Variants in PDGFRL observed in about 807,000 individuals in gnomAD.
PDGFRL encodes platelet derived growth factor receptor like.
PDGFRL carries 46 observed loss-of-function variants against 37.2 expected under a neutral mutation model. The observed-to-expected ratio is 1.24, with a 90% CI of 0.98 to 1.58. The LOEUF (loss-of-function observed/expected upper bound fraction) is 1.58. Ranked by LOEUF, PDGFRL falls within the 40% of genes most tolerant of loss-of-function variation. The probability of loss-of-function intolerance (pLI) is 0.00; values close to 1 mark genes in which losing one functional copy is unlikely to be tolerated. For missense variants in PDGFRL, 692 were observed against 467.6 expected, an observed-to-expected ratio of 1.48 and a Z score of -4.43; for synonymous variants, 251 against 184.3, an observed-to-expected ratio of 1.36 and a Z score of -2.93.
intron 2 of PDGFRL, among the ~76,000 whole-genome samples, chr8:17,615,893 G>A (rs1804513151): frequency 6.6e-6 from 1 of 152,240 alleles, no homozygotes; most frequent in Non-Finnish European, 1.5e-5. Context: ...CTGGGCAAGA[G>A]AGCGAGACCC....
chr8:17,629,511 A>C (rs887851670), intron 4 of PDGFRL, among the ~76,000 whole-genome samples: 31 of 152,034 alleles, frequency 2.0e-4, no homozygotes, highest in African/African-American at 7.5e-4. Context: ...ACCCATTGCC[A>C]CCTGCCAACC....
chr8:17,641,415 A>T (rs1805090067), intron 5 of PDGFRL, among the ~76,000 whole-genome samples: 1 of 152,168 alleles, frequency 6.6e-6, no homozygotes, highest in Admixed American at 6.5e-5. Context: ...TCTGTGAGAC[A>T]AAGTCAGAAA....
intron 1 of PDGFRL, among the ~76,000 whole-genome samples, chr8:17,584,559 A>T (rs1803775122): frequency 1.3e-5 from 2 of 152,080 alleles, no homozygotes; most frequent in South Asian, 2.1e-4. Context: ...GTTGTCAGTG[A>T]CACAGGAGGA....
At chr8:17,597,379 G>A (rs1386502148) in intron 2 of PDGFRL, among the ~76,000 whole-genome samples, 8 of 152,312 alleles carry the variant, frequency 5.3e-5, no homozygotes, top group Non-Finnish European at 1.0e-4. Context: ...ACATTTATCC[G>A]AATGTAATCT....
chr8:17,609,546 G>C (rs1355747454), intron 2 of PDGFRL, among the ~76,000 whole-genome samples: 1 of 141,122 alleles, frequency 7.1e-6, no homozygotes, highest in African/African-American at 2.6e-5. Flanking sequence ...GCTAAAGCAG[G>C]AGAATCGCTT....
At chr8:17,616,612 G>A (rs1433462013) in intron 2 of PDGFRL, among the ~76,000 whole-genome samples, 2 of 151,952 alleles carry the variant, frequency 1.3e-5, no homozygotes, top group African/African-American at 4.8e-5. Flanking sequence ...TCCTTCCCTG[G>A]GACTGCATGC....
At chr8:17,596,199 G>A (rs765049882) in intron 2 of PDGFRL, 5 of 442,666 alleles carry the variant, frequency 1.1e-5, no homozygotes, top group African/African-American at 8.1e-5. Context: ...TTCAATCCAA[G>A]GCCGTCCACT....
At chr8:17,579,756 G>A (rs1803667751) in intron 1 of PDGFRL, among the ~76,000 whole-genome samples, 1 of 151,898 alleles carries the variant, frequency 6.6e-6, no homozygotes, top group Non-Finnish European at 1.5e-5. Context: ...ACCCAATGAA[G>A]CTGGCTGCTC....
At chr8:17,642,424 G>C (rs1379024218) in intron 5 of PDGFRL, among the ~76,000 whole-genome samples, 189 bp from the exon 6 acceptor site, 1 of 152,190 alleles carries the variant, frequency 6.6e-6, no homozygotes, top group Non-Finnish European at 1.5e-5. Context: ...AGGGCTGTTT[G>C]GAAAAAATGC....
At chr8:17,616,975 T>C (rs1316082809) in intron 2 of PDGFRL, among the ~76,000 whole-genome samples, 1 of 152,176 alleles carries the variant, frequency 6.6e-6, no homozygotes, top group Non-Finnish European at 1.5e-5. Context: ...ATCTGAGGAC[T>C]GTCAGCTCCC....
chr8:17,624,622 C>T (rs995382159), intron 3 of PDGFRL, among the ~76,000 whole-genome samples: 18 of 152,178 alleles, frequency 1.2e-4, no homozygotes, highest in Admixed American at 5.9e-4. Context: ...TAAGTACTTT[C>T]CTGGCTGGGT....
chr8:17,612,738 A>T (rs1013624965), intron 2 of PDGFRL, among the ~76,000 whole-genome samples: 3 of 152,304 alleles, frequency 2.0e-5, no homozygotes, highest in African/African-American at 7.2e-5. Flanking sequence ...AACTATAAAT[A>T]AGCAAAAAGG....
At chr8:17,634,692 A>G (rs896086815) in intron 5 of PDGFRL, among the ~76,000 whole-genome samples, 2 of 152,306 alleles carry the variant, frequency 1.3e-5, no homozygotes, top group South Asian at 2.1e-4. Context: ...GCTGGAGGCC[A>G]TTATCCTTAG....
chr8:17,627,005 C>A (rs1057382375), intron 3 of PDGFRL, among the ~76,000 whole-genome samples: 1 of 152,190 alleles, frequency 6.6e-6, no homozygotes, highest in Non-Finnish European at 1.5e-5. Flanking sequence ...CAAGCCGACG[C>A]CATTCCCCTC....
chr8:17,592,978 A>C (rs1252334072), intron 2 of PDGFRL, among the ~76,000 whole-genome samples: 1 of 152,026 alleles, frequency 6.6e-6, no homozygotes, highest in African/African-American at 2.4e-5. Flanking sequence ...CTTGAGAGTA[A>C]ATAAAAATAG....
intron 2 of PDGFRL, among the ~76,000 whole-genome samples, chr8:17,600,830 A>T (rs1447076330): frequency 6.6e-6 from 1 of 151,544 alleles, no homozygotes; most frequent in East Asian, 1.9e-4. Context: ...AAACCTCTAA[A>T]AATTAGCCAG....
At chr8:17,591,840 T>C (rs1303920234) in intron 2 of PDGFRL, among the ~76,000 whole-genome samples, 1 of 152,078 alleles carries the variant, frequency 6.6e-6, no homozygotes, top group Admixed American at 6.6e-5. Flanking sequence ...TGCTTGAACC[T>C]GGGAGGCGGA....
intron 2 of PDGFRL, among the ~76,000 whole-genome samples, chr8:17,608,982 A>G (rs2588118): frequency 0.99 from 150,924 of 152,328 alleles, 74,779 homozygotes; most frequent in Middle Eastern, 1. Flanking sequence ...ACTTTGGCAG[A>G]CTGAGGCAGG....
At chr8:17,610,266 T>G (rs1009789112) in intron 2 of PDGFRL, among the ~76,000 whole-genome samples, 2 of 152,110 alleles carry the variant, frequency 1.3e-5, no homozygotes, top group Admixed American at 1.3e-4. Flanking sequence ...CACAGAGAAG[T>G]GCTGATGAGC....
Sources: gnomAD v4.1 joint callset for allele counts (sites outside exome capture counted in the v4.1 genomes callset) on GRCh38, gnomAD v4.1.1 for gene constraint, MANE v1.5 for transcripts, NCBI Gene and HGNC (gene_info 2026-07-23, HGNC 2026-07-21) for gene names.